The following TAPT1 variants were observed in gnomAD, a reference collection of about 807,000 sequenced individuals.
The protein encoded by TAPT1 is transmembrane anterior posterior transformation protein 1 homolog.
TAPT1 carries 28 observed loss-of-function variants against 65.6 expected under a neutral mutation model. The observed-to-expected ratio is 0.43, with a 90% confidence interval of 0.32 to 0.59. The LOEUF (loss-of-function observed/expected upper bound fraction) is 0.59. Among genes scored for constraint, TAPT1 ranks in the 20% least tolerant of loss-of-function variants. The pLI, the probability that TAPT1 is intolerant of heterozygous loss-of-function variation, is 0.09. For synonymous variants in TAPT1, 278 were observed against 245.2 expected, an observed-to-expected ratio of 1.13 and a Z score of -1.25; for missense variants, 563 against 679.9, an observed-to-expected ratio of 0.83 and a Z score of 1.91.
rs56086979 is a variant in TAPT1 at position 16,179,802 on chromosome 4, A to ATG, written c.917-147_917-146dup. ...AATATACAACTTTATATATATATATATGTGTGTGTGTGTGTGTGTGTGTGT... is the reference window on the plus strand; with the variant it reads ...AATATACAACTTTATATATATATATATGTGTGTGTGTGTGTGTGTGTGTGTGT... On this transcript the variant is annotated intron_variant, in intron 7 of 13. Transcript: ENST00000405303. 1,082 of 309,704 alleles carry ATG rather than the reference A, an allele frequency of 3.5e-3. 5 individuals carry two copies. The highest frequency in any genetic ancestry group is 6.2e-3 in the South Asian group (67 of 10,792). The allele number at this position is 309,704 out of a possible 1,614,324, so 19.2% of individuals were successfully genotyped here.
At chr4:16,191,721 A>G (rs1437411105) in intron 3 of TAPT1, among the ~76,000 whole-genome samples, 198 bp from the exon 4 acceptor site, 1 of 152,214 alleles carries the variant, frequency 6.6e-6, no homozygotes, top group Non-Finnish European at 1.5e-5. Context: ...TATAGAATAT[A>G]AAGATTTTAA....
chr4:16,217,639 T>A (rs958957630), intron 1 of TAPT1, among the ~76,000 whole-genome samples: 2 of 152,238 alleles, frequency 1.3e-5, no homozygotes, highest in Admixed American at 1.3e-4. Context: ...AAACTGGAAT[T>A]AATCAAAATG....
chr4:16,170,019 C>T (rs1233295920), intron 12 of TAPT1, among the ~76,000 whole-genome samples: 1 of 152,232 alleles, frequency 6.6e-6, no homozygotes, highest in Non-Finnish European at 1.5e-5. Flanking sequence ...TTTCATTTTT[C>T]AGTAAGTTAA....
chr4:16,208,989 G>A (rs1357917622), intron 2 of TAPT1, among the ~76,000 whole-genome samples: 2 of 152,046 alleles, frequency 1.3e-5, no homozygotes, highest in Non-Finnish European at 2.9e-5. Flanking sequence ...TCAGTCTCTC[G>A]AGTAGCTAGG....
intron 3 of TAPT1, among the ~76,000 whole-genome samples, 163 bp from the exon 4 acceptor site, chr4:16,191,686 G>A (rs1049578291): frequency 2.3e-4 from 35 of 152,078 alleles, no homozygotes; most frequent in African/African-American, 8.2e-4. Flanking sequence ...ATGACTACTC[G>A]ACAGTGTAAA....
intron 7 of TAPT1, among the ~76,000 whole-genome samples, chr4:16,184,225 G>C (rs913762261): frequency 6.6e-6 from 1 of 150,718 alleles, no homozygotes; most frequent in Non-Finnish European, 1.5e-5. Flanking sequence ...CATCATAAAC[G>C]AATTTTGTCT....
At chr4:16,198,572 A>ACG (rs200065185) in intron 3 of TAPT1, among the ~76,000 whole-genome samples, 1 of 45,956 alleles carries the variant, frequency 2.2e-5, no homozygotes, top group Admixed American at 1.5e-4. Flanking sequence ...AAAAAAAAAA[A>ACG]TTATTTAAAA....
intron 10 of TAPT1, 141 bp downstream of exon 10, chr4:16,174,525 GTTTA>G (rs1489609961): frequency 4.1e-6 from 3 of 728,706 alleles, no homozygotes; most frequent in South Asian, 2.1e-5. Context: ...ATTTGTAAAT[GTTTA>G]TTTAGTGTTG....
intron 8 of TAPT1, chr4:16,179,323 A>C: frequency 2.7e-6 from 1 of 363,990 alleles, no homozygotes; most frequent in Non-Finnish European, 5.0e-6. Flanking sequence ...GTCTAAACAC[A>C]GAAAAGGACA....
Position 16,184,676 on chromosome 4 carries a change from T to C in TAPT1, c.916+1859A>G, listed in dbSNP as rs28849837. The stretch of plus-strand genomic sequence containing the variant: ...TCACTCTGGAGGGTGTGCAGTGCTA[T>C]CTCATTATGGCTTTGTCTTTCTCCA... On this transcript the variant is annotated intron_variant, in intron 7 of 13. Coordinates refer to ENST00000405303, the MANE Select transcript of TAPT1 (RefSeq NM_153365.3). 3.1e-3 allele frequency among the ~76,000 whole-genome samples: 476 copies of C among 152,304 alleles called. 3 individuals are homozygous for C. Among genetic ancestry groups the C allele is most frequent in the African/African-American group, 0.011 (447 of 41,560 alleles).
intron 2 of TAPT1, among the ~76,000 whole-genome samples, chr4:16,212,449 G>A (rs1438279418): frequency 6.6e-6 from 1 of 152,150 alleles, no homozygotes; most frequent in South Asian, 2.1e-4. Flanking sequence ...ACAAGAACTG[G>A]TTTAATCTTT....
At position 16,182,683 on chromosome 4, in the gene TAPT1, TACC is replaced by T. The variant is rs1748777939; in HGVS notation, c.917-3029_917-3027del. Among the ~76,000 whole-genome samples, 3 of 152,330 alleles carry T rather than the reference TACC, an allele frequency of 2.0e-5. No homozygotes were observed. In the East Asian group the frequency reaches 5.8e-4, roughly 29 times the overall value. On this transcript the variant is annotated intron_variant, in intron 7 of 13. Coordinates refer to ENST00000405303, the MANE Select transcript of TAPT1 (RefSeq NM_153365.3). ...ACCTTTCTAAATGCACAGTTCACAT[TACC>T]AATGCGTAAAAAACTACCTAAAATT...
intron 1 of TAPT1, among the ~76,000 whole-genome samples, chr4:16,221,276 C>T (rs569089529): frequency 2.6e-5 from 4 of 151,960 alleles, no homozygotes; most frequent in Non-Finnish European, 5.9e-5. Flanking sequence ...CAGGCGCACA[C>T]CTCCACGCCC....
At position 16,161,521 on chromosome 4, in the gene TAPT1, T is replaced by C. The variant is rs567567604; in HGVS notation, c.*1787A>G. On this transcript the variant is annotated 3_prime_UTR_variant, in exon 14 of 14. Transcript: ENST00000405303. ...CCTGCTCTGAAATCAGGGTTGTGTT[T>C]GGCAAAGCTTTCCCCAAACTATTCC... 4.6e-5 allele frequency: 7 copies of C among 152,776 alleles called. No individual in the cohort carries two copies. The East Asian group carries it at 7.7e-4, about 17-fold the overall frequency. 9.5% of individuals were successfully genotyped at this position (152,776 alleles called of 1,614,324 possible).
chr4:16,175,339 T>C (rs1364865852), intron 9 of TAPT1, among the ~76,000 whole-genome samples: 1 of 152,084 alleles, frequency 6.6e-6, no homozygotes, highest in Non-Finnish European at 1.5e-5. Flanking sequence ...ATCAATGCTT[T>C]ACAAAAAAGT....
At chr4:16,172,183 A>G (rs947535881) in intron 11 of TAPT1, among the ~76,000 whole-genome samples, 9 of 152,220 alleles carry the variant, frequency 5.9e-5, no homozygotes, top group Admixed American at 5.9e-4. Flanking sequence ...TTTTGGTATA[A>G]CAGCCATAAA....
intron 4 of TAPT1, chr4:16,190,713 T>C (rs1289957274): frequency 6.5e-6 from 1 of 154,820 alleles, no homozygotes; most frequent in African/African-American, 2.4e-5. Context: ...ATATCTGGCT[T>C]ATAAAGCGAA....
chr4:16,174,214 A>G lies in TAPT1; in HGVS notation c.1226T>C (p.Leu409Pro), dbSNP rs774729517. Reference sequence around the variant, plus strand: ...AAAGTATGCACTTACTAAAACAGCTAGTGGGAGAGGAATAAAGCCCATCCT... The same window carrying G: ...AAAGTATGCACTTACTAAAACAGCTGGTGGGAGAGGAATAAAGCCCATCCT... ...ARRMGFIPLP[L>P]AVLLIRVVTS... Residue 409 changes from leucine (L) to proline (P), a missense_variant, in exon 11 of 14, where the codon CTA becomes CCA. By Grantham distance (98) the Leu-to-Pro change is moderately conservative. Transcript: ENST00000405303. 1 of 1,606,338 alleles carries G rather than the reference A, an allele frequency of 6.2e-7. No individual in the cohort carries two copies.
intron 3 of TAPT1, among the ~76,000 whole-genome samples, chr4:16,192,846 G>A (rs1749454505): frequency 6.6e-6 from 1 of 152,092 alleles, no homozygotes; most frequent in African/African-American, 2.4e-5. Context: ...ACAGGGGTGG[G>A]CTCATTTTCT....
Sources: allele counts gnomAD v4.1 joint callset (sites outside exome capture counted in the v4.1 genomes callset), GRCh38; gene constraint gnomAD v4.1.1; transcripts MANE v1.5; gene names NCBI Gene and HGNC (gene_info 2026-07-23, HGNC 2026-07-21).